MNAT1: variants seen among roughly 807,000 people sequenced by gnomAD.
MNAT1 encodes the protein CDK-activating kinase assembly factor MAT1.
Under a neutral mutation model 42.0 loss-of-function variants are expected in MNAT1, and 43 were observed. The observed-to-expected ratio is 1.02, with a 90% CI of 0.80 to 1.32. MNAT1 has a LOEUF of 1.32. Ranked by LOEUF, MNAT1 falls within the 40% of genes most tolerant of loss-of-function variation. The probability of loss-of-function intolerance (pLI) is 0.00; values close to 1 mark genes in which losing one functional copy is unlikely to be tolerated. For synonymous variants in MNAT1, 118 were observed against 120.0 expected, an observed-to-expected ratio of 0.98 and a Z score of 0.11; for missense variants, 306 against 350.4, an observed-to-expected ratio of 0.87 and a Z score of 1.01.
intron 1 of MNAT1, among the ~76,000 whole-genome samples, chr14:60,751,888 A>G (rs1000668408): frequency 1.3e-5 from 2 of 152,114 alleles, no homozygotes; most frequent in African/African-American, 4.8e-5. Context: ...AATATGGTGC[A>G]GTGCCTCTGC....
At chr14:60,736,454 T>A (rs1738584069) in intron 1 of MNAT1, among the ~76,000 whole-genome samples, 1 of 152,228 alleles carries the variant, frequency 6.6e-6, no homozygotes, top group South Asian at 2.1e-4. Context: ...TTTATTTTAA[T>A]TGAAATTGCT....
intron 1 of MNAT1, among the ~76,000 whole-genome samples, chr14:60,736,253 T>A (rs1397490893): frequency 3.3e-5 from 5 of 152,092 alleles, no homozygotes; most frequent in Non-Finnish European, 7.4e-5. Flanking sequence ...TCTCCATTTT[T>A]CTTTATCAGG....
intron 6 of MNAT1, among the ~76,000 whole-genome samples, chr14:60,869,226 A>G (rs914185352): frequency 1.3e-5 from 2 of 149,184 alleles, no homozygotes; most frequent in Non-Finnish European, 3.0e-5. Flanking sequence ...ATTTTAATAG[A>G]GACGGGGTTT....
intron 7 of MNAT1, among the ~76,000 whole-genome samples, chr14:60,933,186 T>C (rs1295525782): frequency 6.6e-6 from 1 of 152,064 alleles, no homozygotes; most frequent in African/African-American, 2.4e-5. Context: ...GTCCGGTCCC[T>C]TAGAATCTAT....
intron 6 of MNAT1, among the ~76,000 whole-genome samples, chr14:60,853,520 A>T (rs1019700103): frequency 6.6e-6 from 1 of 152,146 alleles, no homozygotes; most frequent in African/African-American, 2.4e-5. Context: ...CTCTCTTCCT[A>T]TTCAAATACT....
At chr14:60,857,353 AC>A (rs1333278174) in intron 6 of MNAT1, among the ~76,000 whole-genome samples, 4 of 152,220 alleles carry the variant, frequency 2.6e-5, no homozygotes, top group South Asian at 4.1e-4. Flanking sequence ...TGTGGTAGAA[AC>A]AATAAGAGAA....
At chr14:60,896,160 A>G (rs2034953081) in intron 7 of MNAT1, among the ~76,000 whole-genome samples, 1 of 152,208 alleles carries the variant, frequency 6.6e-6, no homozygotes, top group South Asian at 2.1e-4. Context: ...TCATTAGTAA[A>G]TAATTATAAC....
intron 7 of MNAT1, chr14:60,919,814 G>C (rs1368827325): frequency 1.3e-5 from 2 of 156,728 alleles, no homozygotes; most frequent in Non-Finnish European, 2.9e-5. Context: ...CTTCACAGAG[G>C]GGTACTACCT....
intron 6 of MNAT1, among the ~76,000 whole-genome samples, chr14:60,869,040 A>ATATATTTTTTT (rs1465360826): frequency 1.4e-4 from 16 of 113,024 alleles, no homozygotes; most frequent in African/African-American, 5.4e-4. Context: ...ATATATATAT[A>ATATATTTTTTT]TTTTTTTTTT....
chr14:60,780,743 C>G, intron 1 of MNAT1: 1 of 568,258 alleles, frequency 1.8e-6, no homozygotes, highest in East Asian at 2.8e-5. Context: ...TGTAATTGTT[C>G]CTTTTGTTTT....
In MNAT1 at chr14:60,745,551, G is replaced by A. The variant is rs529471767; in HGVS notation, c.89+10600G>A. ...CATGCCTCAGCCTCCTGAGTAGATGGGATTACAGGTGTGTACCACCACGCC... is the reference window on the plus strand; with the variant it reads ...CATGCCTCAGCCTCCTGAGTAGATGAGATTACAGGTGTGTACCACCACGCC... On this transcript the variant is annotated intron_variant, in intron 1 of 7. Coordinates refer to ENST00000261245, the MANE Select transcript of MNAT1 (RefSeq NM_002431.4). Among the ~76,000 whole-genome samples the A allele has an allele frequency of 5.3e-5, 8 of 152,128 alleles. No individual in the cohort carries two copies. The East Asian group carries it at 1.6e-3, about 29-fold the overall frequency.
At chr14:60,807,854 G>GTGTC (rs1311967099) in intron 3 of MNAT1, among the ~76,000 whole-genome samples, 1 of 151,936 alleles carries the variant, frequency 6.6e-6, no homozygotes, top group Non-Finnish European at 1.5e-5. Flanking sequence ...ATTCAAGCCT[G>GTGTC]TGTCTACTCA....
At chr14:60,899,917 G>A (rs1256542863) in intron 7 of MNAT1, among the ~76,000 whole-genome samples, 1 of 143,796 alleles carries the variant, frequency 7.0e-6, no homozygotes. Context: ...TATCTGTGTG[G>A]TGATTTGTGA....
chr14:60,907,915 A>C (rs948620073), intron 7 of MNAT1, among the ~76,000 whole-genome samples: 2 of 152,130 alleles, frequency 1.3e-5, no homozygotes, highest in African/African-American at 4.8e-5. Flanking sequence ...CTTATCACTA[A>C]GATATTTCCT....
At chr14:60,766,305 C>T (rs2030814648) in intron 1 of MNAT1, among the ~76,000 whole-genome samples, 1 of 149,974 alleles carries the variant, frequency 6.7e-6, no homozygotes, top group Non-Finnish European at 1.5e-5. Context: ...TGAGATAAAG[C>T]CACTGCACTC....
chr14:60,845,500 A>G (rs1332798614), intron 6 of MNAT1, among the ~76,000 whole-genome samples: 6 of 152,200 alleles, frequency 3.9e-5, no homozygotes, highest in African/African-American at 1.4e-4. Context: ...TTGTTGATCT[A>G]GTCACTGAAC....
At chr14:60,851,782 A>G (rs1219097922) in intron 6 of MNAT1, among the ~76,000 whole-genome samples, 1 of 152,050 alleles carries the variant, frequency 6.6e-6, no homozygotes, top group Non-Finnish European at 1.5e-5. Context: ...GCTCCCACTT[A>G]TGAGTGAGAA....
At chr14:60,776,117 C>T (rs149186330) in intron 1 of MNAT1, among the ~76,000 whole-genome samples, 2 of 152,270 alleles carry the variant, frequency 1.3e-5, no homozygotes, top group Non-Finnish European at 2.9e-5. Flanking sequence ...GAGTTAAATG[C>T]ATTTGCAAAG....
chr14:60,949,245 A>G (rs1379958669), intron 7 of MNAT1, among the ~76,000 whole-genome samples: 3 of 152,152 alleles, frequency 2.0e-5, no homozygotes, highest in Non-Finnish European at 4.4e-5. Context: ...GACTAATTGT[A>G]GCGGGTTCTC....
Sources: allele counts gnomAD v4.1 joint callset (sites outside exome capture counted in the v4.1 genomes callset), GRCh38; gene constraint gnomAD v4.1.1; transcripts MANE v1.5; gene names NCBI Gene and HGNC (gene_info 2026-07-23, HGNC 2026-07-21).